ATG5: variants seen among roughly 807,000 people sequenced by gnomAD.
ATG5 encodes autophagy protein 5.
ATG5 carries 14 observed loss-of-function variants against 36.5 expected under a neutral mutation model. That is an observed-to-expected ratio of 0.38 (90% CI 0.25 to 0.60). The LOEUF (loss-of-function observed/expected upper bound fraction) is 0.60. ATG5 is among the 20% of genes least tolerant of loss of function. The pLI, the probability that ATG5 is intolerant of heterozygous loss-of-function variation, is 0.60. For synonymous variants in ATG5, 95 were observed against 101.5 expected (o/e 0.94, Z 0.38); for missense variants, 195 against 326.7 (o/e 0.60, Z 3.11).
intron 2 of ATG5, among the ~76,000 whole-genome samples, chr6:106,315,708 T>C (rs1196298769): frequency 6.6e-6 from 1 of 152,140 alleles, no homozygotes; most frequent in African/African-American, 2.4e-5. Context: ...GAATACAATC[T>C]GAACCTATTA....
chr6:106,296,020 T>A (rs188029439), intron 3 of ATG5, among the ~76,000 whole-genome samples: 3 of 152,094 alleles, frequency 2.0e-5, no homozygotes, highest in Admixed American at 6.5e-5. Context: ...TTGAACAAAG[T>A]ACATAATAAA....
chr6:106,285,180 C>A (rs1780028684), intron 4 of ATG5, among the ~76,000 whole-genome samples: 1 of 152,174 alleles, frequency 6.6e-6, no homozygotes, highest in Non-Finnish European at 1.5e-5. Context: ...CTTACTTCTG[C>A]CATCTTTAAT....
chr6:106,259,266 A>G (rs1251204978), intron 5 of ATG5, among the ~76,000 whole-genome samples: 2 of 152,204 alleles, frequency 1.3e-5, no homozygotes, highest in Non-Finnish European at 2.9e-5. Flanking sequence ...ACTAAATATT[A>G]TTGTTTTAAA....
chr6:106,312,219 G>A (rs1239144127), intron 2 of ATG5, among the ~76,000 whole-genome samples: 1 of 152,146 alleles, frequency 6.6e-6, no homozygotes, highest in African/African-American at 2.4e-5. Context: ...TGAGGTCTCT[G>A]GAGTAAGTTA....
At chr6:106,207,620 C>T (rs926340968) in intron 6 of ATG5, among the ~76,000 whole-genome samples, 4 of 151,784 alleles carry the variant, frequency 2.6e-5, no homozygotes, top group African/African-American at 9.7e-5. Flanking sequence ...AATAGGTTAA[C>T]CAATATTAAC....
chr6:106,271,534 A>T (rs940655792), intron 5 of ATG5: 1 of 152,178 alleles, frequency 6.6e-6, no homozygotes, highest in Non-Finnish European at 1.5e-5. Flanking sequence ...AGATTGTGAA[A>T]ATAATCAGAC....
chr6:106,223,550 AGGT>A (rs1777331265), intron 6 of ATG5, among the ~76,000 whole-genome samples: 2 of 152,260 alleles, frequency 1.3e-5, no homozygotes, highest in Admixed American at 6.5e-5. Flanking sequence ...TTCTTTTAAA[AGGT>A]GTGTAAGTAG....
At chr6:106,312,023 G>A (rs983697472) in intron 2 of ATG5, among the ~76,000 whole-genome samples, 8 of 152,090 alleles carry the variant, frequency 5.3e-5, no homozygotes, top group Admixed American at 5.2e-4. Flanking sequence ...GTAGAGATGG[G>A]TTTCACCATG....
At chr6:106,277,729 G>A (rs966467901) in intron 5 of ATG5, among the ~76,000 whole-genome samples, 3 of 152,166 alleles carry the variant, frequency 2.0e-5, no homozygotes, top group East Asian at 3.9e-4. Flanking sequence ...CATGATAATC[G>A]CTTGAACCTG....
At chr6:106,249,517 C>T (rs12526431) in intron 5 of ATG5, among the ~76,000 whole-genome samples, 11,394 of 152,086 alleles carry the variant, frequency 0.075, 729 homozygotes, top group Admixed American at 0.22. Context: ...AAGTAGTTTC[C>T]GCTTTTTATC....
chr6:106,210,234 C>T (rs1252967802), intron 6 of ATG5, among the ~76,000 whole-genome samples: 1 of 152,100 alleles, frequency 6.6e-6, no homozygotes, highest in Non-Finnish European at 1.5e-5. Context: ...AATGTTTTCT[C>T]CATCCTGGCT....
intron 2 of ATG5, 130 bp downstream of exon 2, chr6:106,315,971 T>C (rs1286805147): frequency 1.2e-5 from 8 of 666,602 alleles, no homozygotes; most frequent in Middle Eastern, 2.6e-4. Flanking sequence ...TCTGTGTTAA[T>C]TTTTTTTCCA....
intron 6 of ATG5, among the ~76,000 whole-genome samples, chr6:106,237,735 T>C (rs1188747497): frequency 1.3e-5 from 2 of 152,240 alleles, no homozygotes; most frequent in African/African-American, 2.4e-5. Flanking sequence ...ATGTATGATA[T>C]GAACATTATA....
chr6:106,229,424 G>A (rs1419227012), intron 6 of ATG5, among the ~76,000 whole-genome samples: 1 of 151,944 alleles, frequency 6.6e-6, no homozygotes, highest in Non-Finnish European at 1.5e-5. Flanking sequence ...CAGAGAGAGA[G>A]AGAGACAGAG....
At chr6:106,275,199 A>G (rs1385263482) in intron 5 of ATG5, among the ~76,000 whole-genome samples, 1 of 152,274 alleles carries the variant, frequency 6.6e-6, no homozygotes, top group East Asian at 1.9e-4. Context: ...TAAAAGAAAC[A>G]GAATAGAAAA....
At chr6:106,193,533 A>G (rs531493764) in intron 7 of ATG5, among the ~76,000 whole-genome samples, 2 of 152,360 alleles carry the variant, frequency 1.3e-5, no homozygotes, top group African/African-American at 2.4e-5. Context: ...TATAAAAAGC[A>G]AAGTGTATTA....
At position 106,203,737 on chromosome 6, in the gene ATG5, T is replaced by C. The variant is rs138594666; in HGVS notation, c.574-1648A>G. Among the ~76,000 whole-genome samples, 6 of 152,314 alleles carry C rather than the reference T, an allele frequency of 3.9e-5. No individual in the cohort carries two copies. In the East Asian group the frequency reaches 1.2e-3, roughly 29 times the overall value. On this transcript the variant is annotated intron_variant, in intron 6 of 7. Transcript: ENST00000369076. ...CTGGGACTACAGGTGTGAGCCACCA[T>C]GCTCAGCTAATTTTTTTACTTTTTT... is the stretch of plus-strand genomic sequence containing the variant.
intron 6 of ATG5, among the ~76,000 whole-genome samples, chr6:106,241,139 C>A (rs776047549): frequency 3.9e-5 from 6 of 152,158 alleles, no homozygotes; most frequent in African/African-American, 1.2e-4. Flanking sequence ...GGTGACAGAA[C>A]GAGACTCTGT....
chr6:106,257,310 T>C lies in ATG5; in HGVS notation c.479-9066A>G, dbSNP rs979199609. Among the ~76,000 whole-genome samples the C allele has an allele frequency of 3.9e-5, 6 of 152,196 alleles. No homozygotes were observed. In the South Asian group the frequency reaches 6.2e-4, roughly 16 times the overall value. ...ACTCTAAAATAATGAAAAAAGTAAA[T>C]AGTAACATAGTCGTTTATCATTATC... On this transcript the variant is annotated intron_variant, in intron 5 of 7. Coordinates refer to ENST00000369076, the MANE Select transcript of ATG5 (RefSeq NM_004849.4).
Sources: allele counts gnomAD v4.1 joint callset (sites outside exome capture counted in the v4.1 genomes callset), GRCh38; gene constraint gnomAD v4.1.1; transcripts MANE v1.5; gene names NCBI Gene and HGNC (gene_info 2026-07-23, HGNC 2026-07-21).